Variants in VOPP1 observed in about 807,000 individuals in gnomAD.
VOPP1 encodes VOPP1 WW domain binding protein.
VOPP1 carries 8 observed loss-of-function variants against 23.5 expected under a neutral mutation model. That is an observed-to-expected ratio of 0.34 (90% confidence interval 0.20 to 0.61). The LOEUF (loss-of-function observed/expected upper bound fraction) is 0.61. Among genes scored for constraint, VOPP1 ranks in the 20% least tolerant of loss-of-function variants. The pLI, the probability that VOPP1 is intolerant of heterozygous loss-of-function variation, is 0.78. For missense variants in VOPP1, 174 were observed against 238.1 expected (o/e 0.73, Z 1.77); for synonymous variants, 83 against 97.3 (o/e 0.85, Z 0.86).
intron 2 of VOPP1, among the ~76,000 whole-genome samples, chr7:55,513,900 G>T (rs1427950754): frequency 6.6e-6 from 1 of 152,180 alleles, no homozygotes; most frequent in East Asian, 1.9e-4. Flanking sequence ...ACAGTAACAA[G>T]AAATTTGCAC....
At chr7:55,523,876 C>A (rs374386049) in intron 1 of VOPP1, among the ~76,000 whole-genome samples, 1 of 152,206 alleles carries the variant, frequency 6.6e-6, no homozygotes, top group Admixed American at 6.5e-5. Context: ...GAGCAAAATT[C>A]TTCTGAGTAT....
chr7:55,552,661 A>G, intron 1 of VOPP1: 1 of 1,535,998 alleles, frequency 6.5e-7, no homozygotes, highest in South Asian at 1.2e-5. Flanking sequence ...ACCATATGAC[A>G]CCGCCTTCCA....
At chr7:55,537,641 T>A in intron 1 of VOPP1, 1 of 1,523,112 alleles carries the variant, frequency 6.6e-7, no homozygotes, top group Non-Finnish European at 8.8e-7. Flanking sequence ...TAAATAAAGC[T>A]CTGGCGCCCG....
At chr7:55,519,720 C>T (rs114372419) in intron 2 of VOPP1, among the ~76,000 whole-genome samples, 164 of 152,350 alleles carry the variant, frequency 1.1e-3, no homozygotes, top group African/African-American at 3.7e-3. Flanking sequence ...ATGGGGCACA[C>T]TGACTCCTGC....
chr7:55,561,931 A>C (rs749099639), intron 1 of VOPP1: 1 of 703,018 alleles, frequency 1.4e-6, no homozygotes, highest in South Asian at 1.5e-5. Flanking sequence ...AACGGCAGTC[A>C]AAGGAATGGG....
intron 3 of VOPP1, 72 bp from the exon 4 acceptor site, chr7:55,492,490 G>T: frequency 2.0e-6 from 3 of 1,508,762 alleles, no homozygotes; most frequent in Non-Finnish European, 2.7e-6. Context: ...ACAGCTCAAA[G>T]GCCTCATGCA....
intron 1 of VOPP1, chr7:55,552,752 T>C: frequency 6.5e-7 from 1 of 1,532,790 alleles, no homozygotes; most frequent in Non-Finnish European, 8.7e-7. Flanking sequence ...GCACACGGAG[T>C]TCACGCAGAG....
chr7:55,446,176 G>A lies in VOPP1; in HGVS notation n.418-10002C>T, dbSNP rs572789487. ...CCCAGATAATTTTTTTGTATTTTTA[G>A]TAGAGACGGGGTTTCACCATGTTAG... On this transcript the variant is annotated intron_variant and non_coding_transcript_variant, in intron 4 of 4. Transcript: ENST00000462326. 2.6e-5 allele frequency among the ~76,000 whole-genome samples: 4 copies of A among 151,934 alleles called. No individual in the cohort carries two copies. The South Asian group carries it at 8.3e-4, about 32-fold the overall frequency.
rs1382166112 is a variant in VOPP1, at chr7:55,564,237, G to GTCTCTCTCTCTC, written c.54+8033_54+8034insGAGAGAGAGAGA. On this transcript the variant is annotated intron_variant, in intron 1 of 4. Coordinates refer to ENST00000285279, the MANE Select transcript of VOPP1 (RefSeq NM_030796.5). Reference sequence around the variant, plus strand: ...TCTCATCAACACACTCTTTCTCTCTGTCTCTGTCTCTCTCTCTCTCTCTCT... The same window carrying GTCTCTCTCTCTC: ...TCTCATCAACACACTCTTTCTCTCTGTCTCTCTCTCTCTCTCTGTCTCTCTCTCTCTCTCTCT... Among the ~76,000 whole-genome samples, 148 of 28,260 alleles carry GTCTCTCTCTCTC rather than the reference G, an allele frequency of 5.2e-3. 1 individual carries two copies. The highest frequency in any genetic ancestry group is 0.043 in the Middle Eastern group (2 of 46). The allele number at this position is 28,260 out of a possible 152,430, so 18.5% of individuals were successfully genotyped here.
intron 4 of VOPP1, among the ~76,000 whole-genome samples, chr7:55,437,247 C>A (rs1428772298): frequency 6.6e-6 from 1 of 152,142 alleles, no homozygotes; most frequent in East Asian, 1.9e-4. Context: ...CCGAGGAGTC[C>A]CCACGGAGGC....
intron 4 of VOPP1, among the ~76,000 whole-genome samples, chr7:55,451,746 G>T (rs367854020): frequency 6.6e-6 from 1 of 152,226 alleles, no homozygotes; most frequent in African/African-American, 2.4e-5. Context: ...AGCCAAGATC[G>T]TGCCGCTGCA....
Position 55,527,287 on chromosome 7 carries a change from A to T in VOPP1, c.55-6157T>A, listed in dbSNP as rs182913515. Among the ~76,000 whole-genome samples, 24 of 152,286 alleles carry T rather than the reference A, an allele frequency of 1.6e-4. No individual in the cohort carries two copies. In the East Asian group the frequency reaches 4.4e-3, roughly 28 times the overall value. On this transcript the variant is annotated intron_variant, in intron 1 of 4. Coordinates refer to ENST00000285279, the MANE Select transcript of VOPP1 (RefSeq NM_030796.5). The stretch of plus-strand genomic sequence containing the variant: ...TCTCAGGAATGTCTTATCTCCAAGA[A>T]ACCTTGATTTTTTTAGAGATGAGAG...
At chr7:55,479,228 G>A (rs559298411) in intron 4 of VOPP1, among the ~76,000 whole-genome samples, 25 of 150,640 alleles carry the variant, frequency 1.7e-4, no homozygotes, top group Middle Eastern at 3.4e-3. Flanking sequence ...ATATGTATAC[G>A]TGTGCCATGC....
intron 2 of VOPP1, among the ~76,000 whole-genome samples, chr7:55,506,461 G>A (rs531473271): frequency 5.3e-5 from 8 of 151,856 alleles, no homozygotes; most frequent in East Asian, 3.9e-4. Flanking sequence ...TCAGCCTCTC[G>A]AGAAGCTGGG....
At chr7:55,481,687 T>C (rs1264792959) in intron 4 of VOPP1, among the ~76,000 whole-genome samples, 6 of 152,332 alleles carry the variant, frequency 3.9e-5, no homozygotes, top group Non-Finnish European at 8.8e-5. Flanking sequence ...ATCTACAAAC[T>C]GCAGGTGTCC....
At chr7:55,540,323 T>C (rs1346562876) in intron 1 of VOPP1, among the ~76,000 whole-genome samples, 2 of 151,638 alleles carry the variant, frequency 1.3e-5, no homozygotes, top group East Asian at 3.9e-4. Context: ...ACTTTAACCC[T>C]GGAGATGGAT....
At chr7:55,457,063 A>G (rs983083477) in intron 4 of VOPP1, among the ~76,000 whole-genome samples, 2 of 151,976 alleles carry the variant, frequency 1.3e-5, no homozygotes, top group African/African-American at 4.8e-5. Flanking sequence ...CCATCAACCA[A>G]CCTCTCTTCG....
chr7:55,517,692 T>C (rs1226934468), intron 2 of VOPP1, among the ~76,000 whole-genome samples: 2 of 152,176 alleles, frequency 1.3e-5, no homozygotes, highest in East Asian at 1.9e-4. Flanking sequence ...CTGTGCCTCC[T>C]GCAGGTCAAG....
At chr7:55,546,453 C>G (rs560624031) in intron 1 of VOPP1, among the ~76,000 whole-genome samples, 32 of 152,180 alleles carry the variant, frequency 2.1e-4, no homozygotes, top group African/African-American at 7.7e-4. Flanking sequence ...CTGAATCTCC[C>G]AACAGAAAAA....
Sources: allele counts gnomAD v4.1 joint callset (sites outside exome capture counted in the v4.1 genomes callset), GRCh38; gene constraint gnomAD v4.1.1; transcripts MANE v1.5; gene names NCBI Gene and HGNC (gene_info 2026-07-23, HGNC 2026-07-21).